ANKRD30BL: variants seen among roughly 807,000 people sequenced by gnomAD.
ANKRD30BL encodes the protein putative ankyrin repeat domain-containing protein 30B-like.
In ANKRD30BL, 20 loss-of-function variants were observed where a neutral mutation model predicts 18.4. The ratio of observed to expected loss-of-function variants is 1.09; its 90% confidence interval spans 0.77 to 1.58. ANKRD30BL has a LOEUF of 1.58. Ranked by LOEUF, ANKRD30BL falls within the 40% of genes most tolerant of loss-of-function variation. The pLI, the probability that ANKRD30BL is intolerant of heterozygous loss-of-function variation, is 0.00. For missense variants in ANKRD30BL, 224 were observed against 268.6 expected, an observed-to-expected ratio of 0.83 and a Z score of 1.16; for synonymous variants, 72 against 100.9, an observed-to-expected ratio of 0.71 and a Z score of 1.72.
At chr2:132,213,021 A>G (rs189701626) in intron 1 of ANKRD30BL, among the ~76,000 whole-genome samples, 2 of 151,654 alleles carry the variant, frequency 1.3e-5, no homozygotes, top group Non-Finnish European at 3.0e-5. Flanking sequence ...AAACTTCTTC[A>G]TGATGTATGC....
At chr2:132,229,980 CAGA>C (rs577607641) in intron 1 of ANKRD30BL, among the ~76,000 whole-genome samples, 1,634 of 152,060 alleles carry the variant, frequency 0.011, 29 homozygotes, top group African/African-American at 0.037. Context: ...AAAAACTAGA[CAGA>C]AGAATTCTCA....
chr2:132,177,731 A>G lies in ANKRD30BL; in HGVS notation n.442-20585T>C, dbSNP rs549031479. On this transcript the variant is annotated intron_variant and non_coding_transcript_variant, in intron 1 of 4. Transcript: ENST00000470729. Reference sequence around the variant, plus strand: ...TCTCCTTTTTTGTTGTTTTAATGGCATAATATGCTATGTGTGAGGTCAACA... The same window carrying G: ...TCTCCTTTTTTGTTGTTTTAATGGCGTAATATGCTATGTGTGAGGTCAACA... Among the ~76,000 whole-genome samples, 3 of 152,302 alleles carry G rather than the reference A, an allele frequency of 2.0e-5. No homozygotes were observed. In the East Asian group the frequency reaches 5.8e-4, roughly 29 times the overall value.
At chr2:132,202,300 TA>T (rs1679120887) in intron 1 of ANKRD30BL, among the ~76,000 whole-genome samples, 1 of 151,752 alleles carries the variant, frequency 6.6e-6, no homozygotes. Flanking sequence ...ATAATAAACA[TA>T]AAAAAGTACA....
At chr2:132,225,857 A>G (rs1405344817) in intron 1 of ANKRD30BL, among the ~76,000 whole-genome samples, 1 of 152,018 alleles carries the variant, frequency 6.6e-6, no homozygotes, top group Non-Finnish European at 1.5e-5. Flanking sequence ...AGACAGTAGC[A>G]TTCTCAGAAA....
At chr2:132,182,856 C>T (rs996874690) in intron 1 of ANKRD30BL, among the ~76,000 whole-genome samples, 1 of 151,972 alleles carries the variant, frequency 6.6e-6, no homozygotes, top group Admixed American at 6.6e-5. Flanking sequence ...AATTCCCTTC[C>T]TGAGTGAATG....
chr2:132,196,058 C>G (rs181085796), intron 1 of ANKRD30BL, among the ~76,000 whole-genome samples: 1 of 149,606 alleles, frequency 6.7e-6, no homozygotes, highest in African/African-American at 2.5e-5. Context: ...AGGAGAATAG[C>G]GTGAACCTGG....
intron 1 of ANKRD30BL, among the ~76,000 whole-genome samples, chr2:132,221,793 C>G (rs1328311208): frequency 3.4e-5 from 4 of 117,954 alleles, no homozygotes; most frequent in Non-Finnish European, 6.8e-5. Context: ...CTCTGCCCGG[C>G]CAGCCGCCCC....
chr2:132,195,599 T>C (rs558793503), intron 1 of ANKRD30BL, among the ~76,000 whole-genome samples: 4 of 151,718 alleles, frequency 2.6e-5, no homozygotes, highest in African/African-American at 7.2e-5. Flanking sequence ...AAGACCAGCC[T>C]GGCAAACACC....
At chr2:132,226,809 A>G (rs1347276291) in intron 1 of ANKRD30BL, among the ~76,000 whole-genome samples, 2 of 152,148 alleles carry the variant, frequency 1.3e-5, no homozygotes, top group Non-Finnish European at 2.9e-5. Context: ...CTTTTTGTAG[A>G]TTCTGTAAGT....
At chr2:132,228,911 T>A (rs1679920994) in intron 1 of ANKRD30BL, among the ~76,000 whole-genome samples, 1 of 151,780 alleles carries the variant, frequency 6.6e-6, no homozygotes. Flanking sequence ...TTTGAAGGCT[T>A]TGAGGCCTAT....
intron 1 of ANKRD30BL, among the ~76,000 whole-genome samples, chr2:132,187,184 G>GTTTTTTTTTT (rs1392451243): frequency 7.6e-5 from 8 of 105,352 alleles, no homozygotes; most frequent in Non-Finnish European, 9.3e-5. Context: ...TTTTTTTTTT[G>GTTTTTTTTTT]TTTGTTTTTT....
At chr2:132,166,377 C>A (rs961929199), upstream of ANKRD30BL, among the ~76,000 whole-genome samples, 1 of 150,920 alleles carries the variant, frequency 6.6e-6, no homozygotes, top group African/African-American at 2.4e-5. Context: ...TATAATTTCT[C>A]CATTAAATGC....
At chr2:132,219,488 C>T (rs201511178) in intron 1 of ANKRD30BL, among the ~76,000 whole-genome samples, 2 of 150,570 alleles carry the variant, frequency 1.3e-5, no homozygotes, top group Non-Finnish European at 2.9e-5. Flanking sequence ...AAATATCTTC[C>T]AATAAAAACT....
intron 1 of ANKRD30BL, among the ~76,000 whole-genome samples, chr2:132,200,537 A>G (rs981429415): frequency 6.6e-6 from 1 of 152,210 alleles, no homozygotes; most frequent in Non-Finnish European, 1.5e-5. Context: ...GTGAATTCCC[A>G]TTCACAATTG....
intron 1 of ANKRD30BL, among the ~76,000 whole-genome samples, chr2:132,255,806 T>C (rs1680816899): frequency 6.6e-6 from 1 of 152,122 alleles, no homozygotes; most frequent in African/African-American, 2.4e-5. Flanking sequence ...GTCACCATGA[T>C]AGGCACAGCG....
rs1033099978 is a variant in ANKRD30BL at position 132,150,990 on chromosome 2, T to C, written c.615-14A>G. On this transcript the variant is annotated splice_polypyrimidine_tract_variant and intron_variant, in intron 4 of 5. Coordinates refer to ENST00000409867, the MANE Select transcript of ANKRD30BL (RefSeq NM_001358416.1). ...TGTTGATGAACGCTATGTATAAAAA[T>C]GAAATAAATAAAATCACTATTTTAA... 4.0e-5 allele frequency: 24 copies of C among 592,932 alleles called. No individual in the cohort carries two copies. The highest frequency in any genetic ancestry group is 6.2e-5 in the Non-Finnish European group (21 of 336,038). The allele number at this position is 592,932 out of a possible 1,614,324, so 36.7% of individuals were successfully genotyped here.
chr2:132,183,674 C>T lies in ANKRD30BL; in HGVS notation n.442-26528G>A, dbSNP rs556572365. Among the ~76,000 whole-genome samples the T allele has an allele frequency of 3.9e-4, 59 of 151,618 alleles. No homozygotes were observed. The East Asian group carries it at 6.4e-3, about 16-fold the overall frequency. ...TTCAGGATAGTGGTGGCAATATATG[C>T]ATGTATATATGTGTGTGTGTATATA... On this transcript the variant is annotated intron_variant and non_coding_transcript_variant, in intron 1 of 4. Transcript: ENST00000470729.
At chr2:132,208,280 A>C (rs1679249269) in intron 1 of ANKRD30BL, among the ~76,000 whole-genome samples, 1 of 152,116 alleles carries the variant, frequency 6.6e-6, no homozygotes, top group Non-Finnish European at 1.5e-5. Context: ...TCTAACATTC[A>C]AAAGAGCCTC....
At chr2:132,198,531 G>C (rs569490118) in intron 1 of ANKRD30BL, among the ~76,000 whole-genome samples, 1 of 151,248 alleles carries the variant, frequency 6.6e-6, no homozygotes, top group South Asian at 2.1e-4. Flanking sequence ...CACTGTGTTA[G>C]CTAGGATGGT....
Sources: allele counts gnomAD v4.1 joint callset (sites outside exome capture counted in the v4.1 genomes callset), GRCh38; gene constraint gnomAD v4.1.1; transcripts MANE v1.5; gene names NCBI Gene and HGNC (gene_info 2026-07-23, HGNC 2026-07-21).